Variants in XKR9 observed in about 807,000 individuals in gnomAD.
The protein encoded by XKR9 is XK-related protein 9.
XKR9 carries 32 observed loss-of-function variants against 32.0 expected under a neutral mutation model. The ratio of observed to expected loss-of-function variants is 1.00; its 90% CI spans 0.76 to 1.34. The LOEUF is 1.34. Among genes scored for constraint, XKR9 ranks in the 40% most tolerant of loss-of-function variants. The pLI is 0.00. For missense variants in XKR9, 546 were observed against 429.7 expected, an observed-to-expected ratio of 1.27 and a Z score of -2.39; for synonymous variants, 168 against 143.4, an observed-to-expected ratio of 1.17 and a Z score of -1.22.
chr8:70,856,318 G>A, the XKR9 span, among the ~76,000 whole-genome samples: 75 of 152,164 alleles, frequency 4.9e-4, no homozygotes, highest in Admixed American at 1.6e-3. Flanking sequence ...ATAAAGCAGC[G>A]TTGCAATCCT....
At chr8:70,999,220 A>C in the XKR9 span, among the ~76,000 whole-genome samples, 1 of 152,216 alleles carries the variant, frequency 6.6e-6, no homozygotes, top group Non-Finnish European at 1.5e-5. Context: ...TTTTTATTTT[A>C]AAGATTTCTC....
At chr8:70,736,495 G>A (rs1259042099), downstream of XKR9, among the ~76,000 whole-genome samples, 2 of 152,070 alleles carry the variant, frequency 1.3e-5, no homozygotes, top group Non-Finnish European at 2.9e-5. Context: ...GTCAATTTTG[G>A]CTTTTGTTGC....
At chr8:70,706,594 T>G (rs1805724731) in intron 3 of XKR9, among the ~76,000 whole-genome samples, 2 of 152,168 alleles carry the variant, frequency 1.3e-5, no homozygotes, top group Non-Finnish European at 2.9e-5. Context: ...TGTGTAACTT[T>G]CAGCACATCA....
the XKR9 span, among the ~76,000 whole-genome samples, chr8:70,818,863 A>C: frequency 6.6e-6 from 1 of 152,222 alleles, no homozygotes; most frequent in African/African-American, 2.4e-5. Context: ...GTGGCCAGTC[A>C]TCTGGGTCTC....
the XKR9 span, among the ~76,000 whole-genome samples, chr8:70,987,414 A>G: frequency 9.6e-3 from 1,466 of 152,350 alleles, 23 homozygotes; most frequent in African/African-American, 0.034. Context: ...AATGGGAGAA[A>G]CTGGCCAAAA....
the XKR9 span, among the ~76,000 whole-genome samples, chr8:70,859,171 C>G: frequency 6.6e-6 from 1 of 151,896 alleles, no homozygotes; most frequent in South Asian, 2.1e-4. Flanking sequence ...ACCAAATAAT[C>G]CAATCAAAAT....
the XKR9 span, among the ~76,000 whole-genome samples, chr8:70,902,668 C>A: frequency 2.6e-5 from 4 of 152,110 alleles, no homozygotes; most frequent in Non-Finnish European, 5.9e-5. Flanking sequence ...TTCCAACACT[C>A]TGTTGAGTGG....
intron 4 of XKR9, among the ~76,000 whole-genome samples, chr8:70,711,809 A>G (rs138486851): frequency 0.01 from 855 of 85,286 alleles, 140 homozygotes; most frequent in African/African-American, 0.03. Context: ...GAGGGGAACA[A>G]TAGACATCAG....
chr8:70,746,701 T>G (rs1459239810), intron 2 of XKR9, among the ~76,000 whole-genome samples: 1 of 151,982 alleles, frequency 6.6e-6, no homozygotes, highest in Non-Finnish European at 1.5e-5. Flanking sequence ...TGCTATGGTT[T>G]GAATGTCTGT....
At chr8:70,685,942 TAAGAA>T (rs1271023622) in intron 3 of XKR9, among the ~76,000 whole-genome samples, 1 of 151,518 alleles carries the variant, frequency 6.6e-6, no homozygotes, top group African/African-American at 2.4e-5. Context: ...CAATTAAAAA[TAAGAA>T]AAATAAGTTT....
downstream of XKR9, among the ~76,000 whole-genome samples, chr8:70,739,712 C>G (rs186359862): frequency 1.4e-3 from 220 of 152,168 alleles, 1 homozygote; most frequent in African/African-American, 5.1e-3. Flanking sequence ...TATTTTATTT[C>G]TCCTTCACTT....
At chr8:70,759,240 T>A (rs923256335) in intron 2 of XKR9, among the ~76,000 whole-genome samples, 16 of 152,202 alleles carry the variant, frequency 1.1e-4, no homozygotes, top group African/African-American at 3.4e-4. Flanking sequence ...TGGAATTTTT[T>A]AAAACAGCTC....
At chr8:71,040,193 G>A in the XKR9 span, among the ~76,000 whole-genome samples, 1 of 152,110 alleles carries the variant, frequency 6.6e-6, no homozygotes, top group African/African-American at 2.4e-5. Flanking sequence ...AATGTTGTGT[G>A]AAATATCCAG....
intron 2 of XKR9, among the ~76,000 whole-genome samples, chr8:70,756,091 A>C (rs973860348): frequency 6.6e-6 from 1 of 152,146 alleles, no homozygotes; most frequent in Non-Finnish European, 1.5e-5. Context: ...GCCTATGGCT[A>C]TCCAGTTACC....
the XKR9 span, among the ~76,000 whole-genome samples, chr8:70,960,258 AAAAT>A: frequency 6.6e-6 from 1 of 152,108 alleles, no homozygotes. Context: ...CCAAAAAAAA[AAAAT>A]ATATTTGCTT....
At chr8:70,861,255 C>T in the XKR9 span, among the ~76,000 whole-genome samples, 158 of 152,264 alleles carry the variant, frequency 1.0e-3, 1 homozygote, top group Middle Eastern at 6.8e-3. Context: ...CCTGGGTTTC[C>T]TCCACTCGGT....
the XKR9 span, among the ~76,000 whole-genome samples, chr8:71,060,459 C>T: frequency 1.3e-5 from 2 of 152,132 alleles, no homozygotes; most frequent in Admixed American, 1.3e-4. Context: ...GAAATTGTCC[C>T]CTTGGAAAGC....
chr8:70,964,484 T>G, the XKR9 span, among the ~76,000 whole-genome samples: 1 of 152,236 alleles, frequency 6.6e-6, no homozygotes, highest in African/African-American at 2.4e-5. Context: ...TTAAAATTGT[T>G]TATTCTAATT....
At chr8:70,746,535 C>A (rs966167628) in intron 2 of XKR9, among the ~76,000 whole-genome samples, 2 of 150,310 alleles carry the variant, frequency 1.3e-5, no homozygotes, top group Non-Finnish European at 3.0e-5. Context: ...CAGTTTCTTT[C>A]TTTTAGATAT....
Sources: gnomAD v4.1 joint callset for allele counts (sites outside exome capture counted in the v4.1 genomes callset) on GRCh38, gnomAD v4.1.1 for gene constraint, MANE v1.5 for transcripts, NCBI Gene and HGNC (gene_info 2026-07-23, HGNC 2026-07-21) for gene names.